Variants in PAN3 observed in about 807,000 individuals in gnomAD.
PAN3 encodes the protein PAN2-PAN3 deadenylation complex subunit PAN3.
PAN3 carries 19 observed loss-of-function variants against 96.2 expected under a neutral mutation model. The observed-to-expected ratio is 0.20, with a 90% confidence interval of 0.14 to 0.29. The LOEUF (loss-of-function observed/expected upper bound fraction) is 0.29, where lower values mean the gene tolerates loss of function less well. Among genes scored for constraint, PAN3 ranks in the 10% least tolerant of loss-of-function variants. PAN3 has a pLI of 1.00. For synonymous variants in PAN3, 433 were observed against 406.6 expected, an observed-to-expected ratio of 1.06 and a Z score of -0.78; for missense variants, 882 against 1,108.1, an observed-to-expected ratio of 0.80 and a Z score of 2.90.
chr13:28,285,440 T>G (rs537000196), intron 17 of PAN3, among the ~76,000 whole-genome samples: 3 of 152,248 alleles, frequency 2.0e-5, no homozygotes, highest in Non-Finnish European at 1.5e-5. Context: ...TGGGTTTTGT[T>G]TGTTTGTTTG....
At chr13:28,225,913 T>C (rs550677884) in intron 6 of PAN3, among the ~76,000 whole-genome samples, 2 of 152,312 alleles carry the variant, frequency 1.3e-5, no homozygotes. Context: ...GGTCCAAAAT[T>C]GTGAACTCTT....
rs1593599268 is a variant in PAN3, at chr13:28,266,578, A to G, written c.1412-137A>G. ...AGTTTGTCTTATGGAATTGTAATAA[A>G]TGTTTACACTATTCTAAAATACAAG... On this transcript the variant is annotated intron_variant, in intron 9 of 18. Coordinates refer to ENST00000380958, the MANE Select transcript of PAN3 (RefSeq NM_175854.8). The G allele has an allele frequency of 3.5e-6, 2 of 576,644 alleles. 1 individual carries two copies. Among genetic ancestry groups the G allele is most frequent in the African/African-American group, 3.8e-5 (2 of 52,912 alleles). 35.7% of individuals were successfully genotyped at this position (576,644 alleles called of 1,614,324 possible).
Position 28,197,304 on chromosome 13 carries a change from C to A in PAN3, c.810C>A (p.Ile270=). 6.2e-7 allele frequency: 1 copy of A among 1,610,786 alleles called. No homozygotes were observed. Among genetic ancestry groups the A allele is most frequent in the Non-Finnish European group, 8.5e-7 (1 of 1,178,414 alleles). The part of the protein sequence containing the change: ...LADRCKSGVP[I]NMVWWNRVTE... ...ACAGGTGTAAATCAGGAGTACCCAT[C>A]AATATGGTTTGGTGGAACAGAGTCA... Residue 270 remains isoleucine (I), a synonymous_variant, in exon 5 of 19, where the codon ATC becomes ATA. Transcript: ENST00000380958.
chr13:28,194,164 G>C (rs1372361708), intron 4 of PAN3, among the ~76,000 whole-genome samples: 1 of 149,820 alleles, frequency 6.7e-6, no homozygotes, highest in Non-Finnish European at 1.5e-5. Flanking sequence ...AAAATAAAAA[G>C]AGACACTGTC....
At chr13:28,249,824 T>C (rs1444471477) in intron 6 of PAN3, among the ~76,000 whole-genome samples, 1 of 152,186 alleles carries the variant, frequency 6.6e-6, no homozygotes, top group East Asian at 1.9e-4. Context: ...TTAGTTACAC[T>C]TTGACTTTTA....
chr13:28,244,798 T>C (rs187011317), intron 6 of PAN3, among the ~76,000 whole-genome samples: 285 of 152,190 alleles, frequency 1.9e-3, no homozygotes, highest in African/African-American at 6.5e-3. Context: ...ATGCTTTTTT[T>C]CCCCCACATA....
chr13:28,259,788 G>A (rs1281005527), intron 7 of PAN3, among the ~76,000 whole-genome samples: 3 of 151,756 alleles, frequency 2.0e-5, no homozygotes, highest in African/African-American at 4.8e-5. Flanking sequence ...ACAGGCTTGC[G>A]CCACCATGCC....
At chr13:28,288,170 GTA>G (rs1566263738) in intron 18 of PAN3, 48 bp downstream of exon 18, 1 of 1,478,976 alleles carries the variant, frequency 6.8e-7, no homozygotes, top group East Asian at 2.3e-5. Flanking sequence ...CCTATAATTT[GTA>G]TAGAGTTGTA....
At chr13:28,184,063 C>G (rs562545540) in intron 4 of PAN3, among the ~76,000 whole-genome samples, 1 of 152,206 alleles carries the variant, frequency 6.6e-6, no homozygotes, top group South Asian at 2.1e-4. Context: ...TTGAGATGTT[C>G]AGGCCTCCTC....
chr13:28,222,479 C>G (rs1226959314), intron 6 of PAN3, among the ~76,000 whole-genome samples: 1 of 152,080 alleles, frequency 6.6e-6, no homozygotes, highest in Non-Finnish European at 1.5e-5. Context: ...TTTAAAAGTG[C>G]TCTTCATTCA....
At position 28,159,275 on chromosome 13, in the gene PAN3, A is replaced by T. The variant is rs150344303; in HGVS notation, c.431-14997A>T. Among the ~76,000 whole-genome samples, 609 of 152,308 alleles carry T rather than the reference A, an allele frequency of 4.0e-3. 7 individuals are homozygous for T. The highest frequency in any genetic ancestry group is 0.014 in the African/African-American group (581 of 41,582). ...ACCATGGACTACTACACAGCCATGAAAAAGAACAGGATAATGTCCTTTGCA... is the reference window on the plus strand; with the variant it reads ...ACCATGGACTACTACACAGCCATGATAAAGAACAGGATAATGTCCTTTGCA... On this transcript the variant is annotated intron_variant, in intron 1 of 18. Coordinates refer to ENST00000380958, the MANE Select transcript of PAN3 (RefSeq NM_175854.8).
intron 15 of PAN3, among the ~76,000 whole-genome samples, chr13:28,278,015 G>A (rs916826766): frequency 1.5e-4 from 23 of 152,252 alleles, no homozygotes; most frequent in Admixed American, 1.3e-4. Context: ...GGACTTCTCC[G>A]TAAGATATAG....
intron 5 of PAN3, chr13:28,215,794 T>A (rs887738160): frequency 1.4e-6 from 2 of 1,398,454 alleles, no homozygotes; most frequent in Non-Finnish European, 2.0e-6. Context: ...GTTGGTGATG[T>A]GAGACAGACA....
chr13:28,256,241 C>G (rs777365757), intron 6 of PAN3, 51 bp from the exon 7 acceptor site: 1 of 1,557,292 alleles, frequency 6.4e-7, no homozygotes, highest in South Asian at 1.2e-5. Context: ...CAGACTTGTT[C>G]TCTAAAACCA....
intron 15 of PAN3, 92 bp downstream of exon 15, chr13:28,277,468 A>G (rs184170484): frequency 5.1e-5 from 67 of 1,315,948 alleles, no homozygotes; most frequent in Admixed American, 7.9e-5. Flanking sequence ...GGTTCCCACT[A>G]TTTAAAATCA....
intron 6 of PAN3, among the ~76,000 whole-genome samples, chr13:28,236,969 A>G (rs929382963): frequency 3.9e-5 from 6 of 152,214 alleles, no homozygotes; most frequent in South Asian, 2.1e-4. Context: ...ATGATTTTGC[A>G]TGACTATTTA....
chr13:28,178,024 G>A (rs1440913277), intron 4 of PAN3, 89 bp downstream of exon 4: 1 of 1,200,134 alleles, frequency 8.3e-7, no homozygotes, highest in Non-Finnish European at 1.2e-6. Context: ...GTTTTTGTAA[G>A]TGGAGGGAGA....
rs180921396 is a variant in PAN3, at chr13:28,183,377, C to T, written c.690+5442C>T. ...CACTAATGTTTCTGGAAAATTGTGGCGAGAATTCCAAATTAATGCCCTCAG... is the reference window on the plus strand; with the variant it reads ...CACTAATGTTTCTGGAAAATTGTGGTGAGAATTCCAAATTAATGCCCTCAG... On this transcript the variant is annotated intron_variant, in intron 4 of 18. Transcript: ENST00000380958. Among the ~76,000 whole-genome samples, 41 of 152,198 alleles carry T rather than the reference C, an allele frequency of 2.7e-4. No individual in the cohort carries two copies. The South Asian group carries it at 3.3e-3, about 12-fold the overall frequency.
intron 1 of PAN3, among the ~76,000 whole-genome samples, chr13:28,144,290 C>A (rs1484404576): frequency 6.8e-6 from 1 of 146,582 alleles, no homozygotes; most frequent in Non-Finnish European, 1.5e-5. Context: ...AGTCTCGGCT[C>A]ACTGCGAGCT....
Sources: gnomAD v4.1 joint callset for allele counts (sites outside exome capture counted in the v4.1 genomes callset) on GRCh38, gnomAD v4.1.1 for gene constraint, MANE v1.5 for transcripts, NCBI Gene and HGNC (gene_info 2026-07-23, HGNC 2026-07-21) for gene names.